The following MEF2C variants were observed in gnomAD, a reference collection of about 807,000 sequenced individuals.
MEF2C encodes myocyte-specific enhancer factor 2C.
Under a neutral mutation model 50.5 loss-of-function variants are expected in MEF2C, and 6 were observed. That is an observed-to-expected ratio of 0.12 (90% CI 0.07 to 0.23). The LOEUF is 0.23. Ranked by LOEUF, MEF2C falls within the 10% of genes least tolerant of loss-of-function variation. The pLI, the probability that MEF2C is intolerant of heterozygous loss-of-function variation, is 1.00. For synonymous variants in MEF2C, 183 were observed against 228.0 expected (o/e 0.80, Z 1.78); for missense variants, 276 against 605.0 (o/e 0.46, Z 5.70).
At chr5:88,843,466 G>A (rs1192678480) in intron 1 of MEF2C, 6 of 984,752 alleles carry the variant, frequency 6.1e-6, no homozygotes, top group South Asian at 9.4e-5. Flanking sequence ...CAATTATTAG[G>A]CAGACAATTT....
chr5:88,764,875 A>G (rs1398273052), intron 3 of MEF2C, among the ~76,000 whole-genome samples: 1 of 151,730 alleles, frequency 6.6e-6, no homozygotes, highest in Non-Finnish European at 1.5e-5. Flanking sequence ...AATTTCAAGT[A>G]TGAAAATAGA....
intron 6 of MEF2C, chr5:88,736,958 C>G: frequency 1.0e-6 from 1 of 984,834 alleles, no homozygotes; most frequent in Non-Finnish European, 1.2e-6. Flanking sequence ...TGATGCCTTT[C>G]AGACAACTTC....
intron 6 of MEF2C, chr5:88,741,887 C>T (rs564136361): frequency 2.5e-5 from 25 of 985,292 alleles, no homozygotes; most frequent in Middle Eastern, 5.2e-4. Context: ...ACCTTTTGGA[C>T]GTATCAGTTG....
intron 6 of MEF2C, chr5:88,748,166 C>G (rs1770831402): frequency 1.0e-6 from 1 of 983,092 alleles, no homozygotes; most frequent in South Asian, 4.7e-5. Flanking sequence ...AACCAATTTT[C>G]TTTATCTTCT....
chr5:88,891,429 G>A (rs901099326), intron 1 of MEF2C, among the ~76,000 whole-genome samples: 13 of 119,306 alleles, frequency 1.1e-4, no homozygotes, highest in Non-Finnish European at 1.4e-4. Context: ...ACGCAGTCTC[G>A]CTCTGTCGCC....
rs559363454 is a variant in MEF2C at position 88,745,705 on chromosome 5, C to T, written c.637+3365G>A. 1.4e-3 allele frequency among the ~76,000 whole-genome samples: 215 copies of T among 152,284 alleles called. 1 individual carries two copies. Among genetic ancestry groups the T allele is most frequent in the African/African-American group, 4.9e-3 (204 of 41,570 alleles). On this transcript the variant is annotated intron_variant, in intron 6 of 10. Transcript: ENST00000504921. Reference sequence around the variant, plus strand: ...TGGTGCATGCCTGTGGTCCCAGCTACTCAGTAGGCTGAGGGAGGTGGACTG... The same window carrying T: ...TGGTGCATGCCTGTGGTCCCAGCTATTCAGTAGGCTGAGGGAGGTGGACTG...
intron 3 of MEF2C, chr5:88,771,590 G>T (rs1782445436): frequency 1.0e-6 from 1 of 985,306 alleles, no homozygotes; most frequent in Admixed American, 6.1e-5. Flanking sequence ...GGCATCTCTG[G>T]TCCCTAACAC....
chr5:88,741,732 A>G (rs1450958045), intron 6 of MEF2C: 1 of 984,150 alleles, frequency 1.0e-6, no homozygotes, highest in Non-Finnish European at 1.2e-6. Context: ...GTTCTTTATA[A>G]TAACTGGAGG....
intron 3 of MEF2C, among the ~76,000 whole-genome samples, chr5:88,765,533 T>G (rs1231582873): frequency 6.6e-6 from 1 of 152,244 alleles, no homozygotes; most frequent in Non-Finnish European, 1.5e-5. Context: ...TTTATCACAG[T>G]AATGAATAGT....
intron 3 of MEF2C, among the ~76,000 whole-genome samples, chr5:88,789,065 C>A (rs1036283785): frequency 6.6e-6 from 1 of 151,946 alleles, no homozygotes; most frequent in Non-Finnish European, 1.5e-5. Flanking sequence ...TAGTAATATG[C>A]ACACTTTTAT....
chr5:88,793,319 G>GTA (rs1342561322), intron 3 of MEF2C, among the ~76,000 whole-genome samples: 1 of 147,758 alleles, frequency 6.8e-6, no homozygotes, highest in East Asian at 2.2e-4. Context: ...TGTGGCTTGA[G>GTA]TATAGGATGG....
intron 6 of MEF2C, chr5:88,742,697 A>C (rs1767402557): frequency 1.0e-6 from 1 of 985,366 alleles, no homozygotes. Context: ...CAACATCCTG[A>C]CTTAACCTGT....
At chr5:88,863,823 T>C (rs1252948081) in intron 1 of MEF2C, among the ~76,000 whole-genome samples, 1 of 128,336 alleles carries the variant, frequency 7.8e-6, no homozygotes, top group Non-Finnish European at 1.8e-5. Context: ...AATTTCTTTT[T>C]CTTTTTTTTT....
intron 1 of MEF2C, among the ~76,000 whole-genome samples, chr5:88,842,922 G>A (rs1581464537): frequency 6.6e-6 from 1 of 152,166 alleles, no homozygotes; most frequent in African/African-American, 2.4e-5. Context: ...TTCTGGAACA[G>A]TGAAATGTCT....
intron 1 of MEF2C, among the ~76,000 whole-genome samples, chr5:88,890,299 C>T (rs1170704457): frequency 1.3e-5 from 2 of 152,120 alleles, no homozygotes; most frequent in Non-Finnish European, 2.9e-5. Context: ...TTTGTTAACA[C>T]AGGGGAACGG....
chr5:88,758,359 T>C (rs932714789), intron 4 of MEF2C, among the ~76,000 whole-genome samples: 3 of 152,122 alleles, frequency 2.0e-5, no homozygotes, highest in African/African-American at 7.2e-5. Context: ...TCTCTTGCTG[T>C]GAAGCCCAGC....
intron 3 of MEF2C, among the ~76,000 whole-genome samples, chr5:88,779,927 T>G (rs1283210178): frequency 6.6e-6 from 1 of 152,018 alleles, no homozygotes; most frequent in Non-Finnish European, 1.5e-5. Flanking sequence ...GGTGGGTCAC[T>G]TGAGGTCAGG....
chr5:88,795,392 T>G (rs2152996451), intron 3 of MEF2C, among the ~76,000 whole-genome samples: 1 of 152,328 alleles, frequency 6.6e-6, no homozygotes, highest in East Asian at 1.9e-4. Context: ...AGGTATTTTA[T>G]TATCTTTGTA....
upstream of MEF2C, among the ~76,000 whole-genome samples, chr5:88,883,981 C>A (rs1833702594): frequency 6.6e-6 from 1 of 152,188 alleles, no homozygotes; most frequent in Non-Finnish European, 1.5e-5. Context: ...TGACATTTTG[C>A]TAATTTTAGT....
Sources: allele counts gnomAD v4.1 joint callset (sites outside exome capture counted in the v4.1 genomes callset), GRCh38; gene constraint gnomAD v4.1.1; transcripts MANE v1.5; gene names NCBI Gene and HGNC (gene_info 2026-07-23, HGNC 2026-07-21).